SEPTIN11: variants seen among roughly 807,000 people sequenced by gnomAD.
SEPTIN11 encodes the protein septin-11.
A neutral mutation model predicts 51.4 loss-of-function variants in SEPTIN11; 25 were observed. The observed-to-expected ratio is 0.49, with a 90% CI of 0.35 to 0.68. SEPTIN11 has a LOEUF of 0.68. SEPTIN11 is among the 30% of genes least tolerant of loss of function. The pLI is 0.00. For synonymous variants in SEPTIN11, 174 were observed against 184.1 expected, an observed-to-expected ratio of 0.95 and a Z score of 0.44; for missense variants, 381 against 520.8, an observed-to-expected ratio of 0.73 and a Z score of 2.61.
intron 1 of SEPTIN11, among the ~76,000 whole-genome samples, chr4:76,988,404 C>T (rs62302300): frequency 0.13 from 20,328 of 152,172 alleles, 1,525 homozygotes; most frequent in South Asian, 0.21. Flanking sequence ...CACTGGTACT[C>T]GATGAATATT....
At chr4:76,954,249 C>T (rs1453191108) in intron 1 of SEPTIN11, among the ~76,000 whole-genome samples, 1 of 152,192 alleles carries the variant, frequency 6.6e-6, no homozygotes, top group Non-Finnish European at 1.5e-5. Flanking sequence ...TTTTCTGTGC[C>T]TGTGTTTCTC....
intron 1 of SEPTIN11, among the ~76,000 whole-genome samples, chr4:76,963,474 C>G (rs548677196): frequency 2.0e-5 from 3 of 152,292 alleles, no homozygotes; most frequent in African/African-American, 7.2e-5. Context: ...CCAAGTCTTC[C>G]GACTGTTGTT....
intron 1 of SEPTIN11, among the ~76,000 whole-genome samples, chr4:76,987,210 G>T (rs760716849): frequency 2.0e-5 from 3 of 152,168 alleles, no homozygotes; most frequent in Non-Finnish European, 4.4e-5. Context: ...CAGCTGGGCC[G>T]CACTGAGAAG....
At chr4:77,007,784 A>T (rs968599958) in intron 3 of SEPTIN11, among the ~76,000 whole-genome samples, 1 of 152,206 alleles carries the variant, frequency 6.6e-6, no homozygotes, top group African/African-American at 2.4e-5. Context: ...CCTGTGCCTC[A>T]GAAGGTATTG....
At chr4:76,999,373 C>T (rs1309525657) in intron 2 of SEPTIN11, among the ~76,000 whole-genome samples, 2 of 152,188 alleles carry the variant, frequency 1.3e-5, no homozygotes, top group African/African-American at 4.8e-5. Context: ...ATTTGGACGG[C>T]CTCGTAGAGG....
At chr4:76,975,858 G>T (rs1312622994) in intron 1 of SEPTIN11, among the ~76,000 whole-genome samples, 1 of 152,178 alleles carries the variant, frequency 6.6e-6, no homozygotes, top group Non-Finnish European at 1.5e-5. Flanking sequence ...CAGATAACTT[G>T]GAGAAGGAAG....
intron 1 of SEPTIN11, among the ~76,000 whole-genome samples, chr4:76,983,533 A>G (rs1368703318): frequency 6.6e-6 from 1 of 152,228 alleles, no homozygotes; most frequent in Non-Finnish European, 1.5e-5. Context: ...AAGTCCAGCT[A>G]CACCATGCCC....
intron 7 of SEPTIN11, among the ~76,000 whole-genome samples, chr4:77,025,017 C>T (rs976350248): frequency 1.8e-4 from 27 of 152,124 alleles, no homozygotes; most frequent in African/African-American, 6.0e-4. Flanking sequence ...GTGTGAATCA[C>T]CAGAATGAAG....
chr4:76,980,236 G>A (rs9884835), intron 1 of SEPTIN11, among the ~76,000 whole-genome samples: 2,595 of 152,254 alleles, frequency 0.017, 78 homozygotes, highest in African/African-American at 0.059. Context: ...CCCAGAATAT[G>A]AGGTGAAGTA....
At chr4:76,966,493 T>C (rs1163413394) in intron 1 of SEPTIN11, among the ~76,000 whole-genome samples, 1 of 151,978 alleles carries the variant, frequency 6.6e-6, no homozygotes, top group Non-Finnish European at 1.5e-5. Flanking sequence ...TGTATAAAGT[T>C]TGGAGATTTT....
At chr4:76,950,029 G>C in intron 1 of SEPTIN11, 99 bp downstream of exon 1, 28 of 1,216,222 alleles carry the variant, frequency 2.3e-5, no homozygotes, top group Non-Finnish European at 2.7e-5. Context: ...GCGGGTGCTC[G>C]GCCCCGCGGC....
Position 77,037,330 on chromosome 4 carries a change from C to A in SEPTIN11, c.*2818C>A. The A allele has an allele frequency of 1.0e-6, 1 of 961,280 alleles. No homozygotes were observed. The highest frequency in any genetic ancestry group is 1.2e-6 in the Non-Finnish European group (1 of 808,144). 59.5% of individuals were successfully genotyped at this position (961,280 alleles called of 1,614,324 possible). A position where few individuals can be genotyped will look rare whatever the true frequency, so the allele number is the denominator to read the frequency against. The stretch of plus-strand genomic sequence containing the variant: ...TGAGCCAAGATTGCACCACTGCATT[C>A]CAACCTGGGTGATGAAGTGAGACTC... On this transcript the variant is annotated 3_prime_UTR_variant, in exon 10 of 10. Coordinates refer to ENST00000264893, the MANE Select transcript of SEPTIN11 (RefSeq NM_018243.4).
At chr4:77,030,662 T>A in intron 8 of SEPTIN11, 121 bp from the exon 9 acceptor site, 1 of 876,724 alleles carries the variant, frequency 1.1e-6, no homozygotes, top group South Asian at 1.9e-5. Flanking sequence ...CCCAAAGTGC[T>A]GAAATTACAG....
At chr4:77,027,223 A>G (rs555307330) in intron 7 of SEPTIN11, among the ~76,000 whole-genome samples, 2 of 152,236 alleles carry the variant, frequency 1.3e-5, no homozygotes, top group African/African-American at 4.8e-5. Flanking sequence ...GCAACCTCCA[A>G]TTCCTGGGTT....
chr4:76,993,597 T>A (rs1005717500), intron 1 of SEPTIN11, among the ~76,000 whole-genome samples: 12 of 152,164 alleles, frequency 7.9e-5, no homozygotes, highest in Admixed American at 3.9e-4. Flanking sequence ...TGCCGTTCTC[T>A]CCAGTTTTTA....
intron 1 of SEPTIN11, among the ~76,000 whole-genome samples, chr4:76,960,234 T>C (rs898610989): frequency 2.6e-5 from 4 of 152,202 alleles, no homozygotes; most frequent in African/African-American, 9.6e-5. Flanking sequence ...GACTAGTACT[T>C]TGGCCTGATA....
chr4:76,982,046 A>T (rs1001075532), intron 1 of SEPTIN11, among the ~76,000 whole-genome samples: 1 of 152,118 alleles, frequency 6.6e-6, no homozygotes, highest in Non-Finnish European at 1.5e-5. Flanking sequence ...TTTCCAGTAA[A>T]CTGAAAAAGA....
intron 1 of SEPTIN11, among the ~76,000 whole-genome samples, chr4:76,958,444 C>A (rs1178802631): frequency 1.3e-5 from 2 of 152,226 alleles, no homozygotes; most frequent in Non-Finnish European, 2.9e-5. Context: ...TCCCCTGTTT[C>A]ACTTTTCCCT....
At chr4:76,992,645 T>C (rs1447222251) in intron 1 of SEPTIN11, among the ~76,000 whole-genome samples, 2 of 152,252 alleles carry the variant, frequency 1.3e-5, no homozygotes, top group African/African-American at 4.8e-5. Flanking sequence ...TAGCTGTTAT[T>C]ATCATGATGG....
Sources: allele counts gnomAD v4.1 joint callset (sites outside exome capture counted in the v4.1 genomes callset), GRCh38; gene constraint gnomAD v4.1.1; transcripts MANE v1.5; gene names NCBI Gene and HGNC (gene_info 2026-07-23, HGNC 2026-07-21).